The following DYNC2H1 variants were observed in gnomAD, a reference collection of about 807,000 sequenced individuals.
DYNC2H1 encodes the protein cytoplasmic dynein 2 heavy chain 1.
Under a neutral mutation model 570.0 loss-of-function variants are expected in DYNC2H1, and 410 were observed. The observed-to-expected ratio is 0.72, with a 90% CI of 0.66 to 0.78. DYNC2H1 has a LOEUF of 0.78. Ranked by LOEUF, DYNC2H1 falls within the 30% of genes least tolerant of loss-of-function variation. The pLI, the probability that DYNC2H1 is intolerant of heterozygous loss-of-function variation, is 0.00. For synonymous variants in DYNC2H1, 1,688 were observed against 1,677.6 expected (o/e 1.01, Z -0.15); for missense variants, 4,865 against 5,046.4 (o/e 0.96, Z 1.09).
rs1389027903 is a variant in DYNC2H1, at chr11:103,154,584, A to G, written c.3436A>G (p.Asn1146Asp). The G allele has an allele frequency of 6.2e-7, 1 of 1,600,338 alleles. No individual in the cohort carries two copies. Among genetic ancestry groups the G allele is most frequent in the African/African-American group, 1.3e-5 (1 of 74,514 alleles). Residue 1146 changes from asparagine to aspartate, a missense_variant, in exon 23 of 89, where the codon AAT becomes GAT. By Grantham distance (23) the Asn-to-Asp change is conservative (BLOSUM62 1). Transcript: ENST00000375735. ...EFQQGFQEMANEDWITFRTKT... is the reference protein window; with the variant it reads ...EFQQGFQEMADEDWITFRTKT... ...TCAACAAGGATTTCAGGAAATGGCC[A>G]ATGAAGACTGGATCACTTTTCGGTT... is the stretch of plus-strand genomic sequence containing the variant.
intron 84 of DYNC2H1, among the ~76,000 whole-genome samples, chr11:103,420,898 G>T (rs1466112635): frequency 6.6e-6 from 1 of 152,098 alleles, no homozygotes; most frequent in Non-Finnish European, 1.5e-5. Flanking sequence ...AAAAGGAAGT[G>T]GGCTAAATGC....
At chr11:103,231,596 G>T (rs908096622) in intron 60 of DYNC2H1, among the ~76,000 whole-genome samples, 3 of 19,154 alleles carry the variant, frequency 1.6e-4, no homozygotes, top group Non-Finnish European at 2.1e-4. Flanking sequence ...GATCATTTTT[G>T]AATATTAGTT....
rs1865027955 is a variant in DYNC2H1, at chr11:103,255,658, A to T, written c.10326+124A>T. ...TTTTTCCAAAGACATATTAGTGTAT[A>T]TCTTACAGTCAAAATTCTAACAAGA... On this transcript the variant is annotated intron_variant, in intron 67 of 88. Coordinates refer to ENST00000375735, the MANE Select transcript of DYNC2H1 (RefSeq NM_001377.3). The T allele has an allele frequency of 3.1e-6, 3 of 964,242 alleles. No individual in the cohort carries two copies. In the East Asian group the frequency reaches 9.3e-5, roughly 30 times the overall value. 59.7% of individuals were successfully genotyped at this position (964,242 alleles called of 1,614,324 possible).
chr11:103,137,726 A>G (rs1025588296), intron 17 of DYNC2H1, among the ~76,000 whole-genome samples: 90 of 152,096 alleles, frequency 5.9e-4, no homozygotes, highest in Non-Finnish European at 1.0e-3. Flanking sequence ...TTTTGGTTCC[A>G]TATGAACTTT....
intron 85 of DYNC2H1, among the ~76,000 whole-genome samples, chr11:103,444,172 TATTA>T (rs770983739): frequency 3.0e-4 from 45 of 151,910 alleles, no homozygotes; most frequent in African/African-American, 5.3e-4. Flanking sequence ...CTAATATTTA[TATTA>T]ATTATCAATC....
In DYNC2H1 at chr11:103,188,497, G is replaced by C. The variant is rs757701499; in HGVS notation, c.7141G>C (p.Val2381Leu). The change falls in exon 44 of 89, where the codon GTA becomes CTA. Residue 2381 changes from valine to leucine, a missense_variant and splice_region_variant. Around this residue, in one of 5 missense-constraint regions of DYNC2H1, gnomAD observed 2,401 missense variants for 2,454.6 expected, o/e 0.98. Coordinates refer to ENST00000375735, the MANE Select transcript of DYNC2H1 (RefSeq NM_001377.3). Reference sequence around the variant, plus strand: ...TTAAAATATATTTATTTTCAAATAGGTATTGACGTATCAAGGATTTTATGA... The same window carrying C: ...TTAAAATATATTTATTTTCAAATAGCTATTGACGTATCAAGGATTTTATGA... ...TSTLVAFLQQ[V>L]LTYQGFYDEN... 14 of 1,583,682 alleles carry C rather than the reference G, an allele frequency of 8.8e-6. No homozygotes were observed. The Admixed American group carries it at 2.4e-4, about 27-fold the overall frequency.
intron 53 of DYNC2H1, among the ~76,000 whole-genome samples, chr11:103,210,829 G>C (rs1229415049): frequency 6.6e-6 from 1 of 151,738 alleles, no homozygotes; most frequent in Admixed American, 6.6e-5. Context: ...GGGAGGAAAA[G>C]GTTGGCATGG....
chr11:103,357,733 G>A lies in DYNC2H1; in HGVS notation c.12040-510G>A, dbSNP rs188383638. 1.4e-3 allele frequency among the ~76,000 whole-genome samples: 209 copies of A among 152,240 alleles called. 1 individual carries two copies. The highest frequency in any genetic ancestry group is 2.0e-3 in the Non-Finnish European group (138 of 68,012). On this transcript the variant is annotated intron_variant, in intron 82 of 88. Transcript: ENST00000375735. ...TTTGGGAGGCCGAAGTGGGAGGATCGCTTGAGCCCAGGAGTTCAAGACTAG... is the reference window on the plus strand; with the variant it reads ...TTTGGGAGGCCGAAGTGGGAGGATCACTTGAGCCCAGGAGTTCAAGACTAG...
At position 103,153,173 on chromosome 11, in the gene DYNC2H1, A is replaced by G. The variant is rs1297334212; in HGVS notation, c.3097-130A>G. On this transcript the variant is annotated intron_variant, in intron 21 of 88. Transcript: ENST00000375735. ...GGAATTAATAATTAAAATAACAACCATCCTTTGAAAAGTTGACATTGGTCA... is the reference window on the plus strand; with the variant it reads ...GGAATTAATAATTAAAATAACAACCGTCCTTTGAAAAGTTGACATTGGTCA... 5.5e-6 allele frequency: 4 copies of G among 724,292 alleles called. No homozygotes were observed. In the African/African-American group the frequency reaches 5.7e-5, roughly 10 times the overall value. 44.9% of individuals were successfully genotyped at this position (724,292 alleles called of 1,614,324 possible).
intron 24 of DYNC2H1, 46 bp from the exon 25 acceptor site, chr11:103,155,285 G>A: frequency 6.6e-7 from 1 of 1,521,742 alleles, no homozygotes; most frequent in Non-Finnish European, 8.8e-7. Context: ...GCTAATATAT[G>A]TATATGTGTA....
At chr11:103,385,200 A>G (rs2135589672) in intron 83 of DYNC2H1, among the ~76,000 whole-genome samples, 1 of 151,872 alleles carries the variant, frequency 6.6e-6, no homozygotes, top group Non-Finnish European at 1.5e-5. Context: ...GGGCTTTTTG[A>G]ATTTTCATTA....
chr11:103,332,384 A>G (rs1938860487), intron 82 of DYNC2H1, among the ~76,000 whole-genome samples: 1 of 152,018 alleles, frequency 6.6e-6, no homozygotes. Flanking sequence ...TAACCATTGT[A>G]TAATTAGTAC....
intron 85 of DYNC2H1, among the ~76,000 whole-genome samples, chr11:103,442,527 C>T (rs756321966): frequency 7.2e-5 from 11 of 152,066 alleles, no homozygotes; most frequent in East Asian, 1.9e-4. Flanking sequence ...ATAAATCCTT[C>T]GTATGGCCAA....
Position 103,109,646 on chromosome 11 carries a change from G to A in DYNC2H1, c.72G>A (p.Met24Ile). 1 of 1,613,890 alleles carries A rather than the reference G, an allele frequency of 6.2e-7. No homozygotes were observed. Among genetic ancestry groups the A allele is most frequent in the East Asian group, 2.2e-5 (1 of 44,872 alleles). ...CTACCCAGAATTACTTCGGGTTGAT[G>A]TCTGAACTCTGGGATCAGCCACTGT... is the stretch of plus-strand genomic sequence containing the variant. The part of the protein sequence containing the change: ...FTTTQNYFGL[M>I]SELWDQPLLC... Residue 24 changes from methionine to isoleucine, a missense_variant, in exon 1 of 89, where the codon ATG becomes ATA. Around this residue, in one of 5 missense-constraint regions of DYNC2H1, gnomAD observed 1,936 missense variants for 1,962.1 expected, o/e 0.99. Coordinates refer to ENST00000375735, the MANE Select transcript of DYNC2H1 (RefSeq NM_001377.3).
At chr11:103,423,866 T>C (rs1290451171) in intron 84 of DYNC2H1, among the ~76,000 whole-genome samples, 1 of 152,056 alleles carries the variant, frequency 6.6e-6, no homozygotes, top group Non-Finnish European at 1.5e-5. Flanking sequence ...TATCAATATA[T>C]AAAGATCAGT....
Position 103,189,547 on chromosome 11 carries a change from A to G in DYNC2H1, c.7293-125A>G. The G allele has an allele frequency of 1.1e-6, 1 of 883,774 alleles. No individual in the cohort carries two copies. Among genetic ancestry groups the G allele is most frequent in the Non-Finnish European group, 1.7e-6 (1 of 588,196 alleles). The allele number at this position is 883,774 out of a possible 1,614,324, so 54.7% of individuals were successfully genotyped here. On this transcript the variant is annotated intron_variant, in intron 44 of 88. Coordinates refer to ENST00000375735, the MANE Select transcript of DYNC2H1 (RefSeq NM_001377.3). The surrounding 1 kb of genome is among the most constrained non-coding windows in gnomAD (Gnocchi z 4.3). Reference sequence around the variant, plus strand: ...GAGCCTAGTCTTAGCCCCCTGGGTAAGCTTTGGAGATATGTAGGTCTTAGA... The same window carrying G: ...GAGCCTAGTCTTAGCCCCCTGGGTAGGCTTTGGAGATATGTAGGTCTTAGA...
intron 87 of DYNC2H1, among the ~76,000 whole-genome samples, chr11:103,460,650 T>G (rs943296301): frequency 6.6e-6 from 1 of 151,344 alleles, no homozygotes; most frequent in Non-Finnish European, 1.5e-5. Context: ...ATTATGAGGA[T>G]CTCTGAAAAT....
At position 103,245,204 on chromosome 11, in the gene DYNC2H1, A is replaced by T. The variant is rs1009590376; in HGVS notation, c.9919-47A>T. 2.1e-5 allele frequency: 29 copies of T among 1,384,298 alleles called. No homozygotes were observed. The African/African-American group carries it at 4.3e-4, about 20-fold the overall frequency. The allele number at this position is 1,384,298 out of a possible 1,614,324, so 85.8% of individuals were successfully genotyped here. A position where few individuals can be genotyped will look rare whatever the true frequency, so the allele number is the denominator to read the frequency against. ...AATCAAAGAAAGGATGTTTGTAAAT[A>T]TTAAAGTAATTAAATAATTAATACG... On this transcript the variant is annotated intron_variant, in intron 64 of 88. Transcript: ENST00000375735. This position sits in a 1 kb window ranked among gnomAD's most constrained non-coding sequence, Gnocchi z 4.5.
At chr11:103,141,485 C>T (rs994418019) in intron 17 of DYNC2H1, among the ~76,000 whole-genome samples, 2 of 152,178 alleles carry the variant, frequency 1.3e-5, no homozygotes, top group East Asian at 3.9e-4. Context: ...CCCTGTTTGC[C>T]TGGGTATCAG....
Sources: gnomAD v4.1 joint callset for allele counts (sites outside exome capture counted in the v4.1 genomes callset) on GRCh38, gnomAD v4.1.1 for gene constraint, gnomAD v4.1.1 regional missense constraint, Gnocchi (gnomAD v3.1) non-coding constraint, MANE v1.5 for transcripts, NCBI Gene and HGNC (gene_info 2026-07-23, HGNC 2026-07-21) for gene names.